The following CDK11A variants were observed in gnomAD, a reference collection of about 807,000 sequenced individuals.
CDK11A encodes the protein cyclin-dependent kinase 11A.
Under a neutral mutation model 83.6 loss-of-function variants are expected in CDK11A, and 55 were observed. The ratio of observed to expected loss-of-function variants is 0.66; its 90% CI spans 0.53 to 0.82. The LOEUF is 0.82. CDK11A is among the 40% of genes least tolerant of loss of function. CDK11A has a pLI of 0.00. For missense variants in CDK11A, 564 were observed against 810.1 expected, an observed-to-expected ratio of 0.70 and a Z score of 3.69; for synonymous variants, 247 against 302.7, an observed-to-expected ratio of 0.82 and a Z score of 1.91.
intron 6 of CDK11A, 24 bp downstream of exon 6, chr1:1,712,240 A>C (rs1409435474): frequency 6.5e-7 from 1 of 1,533,496 alleles, no homozygotes; most frequent in Non-Finnish European, 8.7e-7. Context: ...CCCGCCGAGC[A>C]CAGCTGCCCA....
rs752188532 is a variant in CDK11A, at chr1:1,716,450, C to T, written c.384G>A (p.Glu128=). Residue 128 remains glutamate, a synonymous_variant, in exon 5 of 20, where the codon GAG becomes GAA. Transcript: ENST00000404249. ...GGKHARVKER[E]HERRKRHREE... is the part of the protein sequence containing the mutation. ...CTCGATGTCGTTTCCGACGTTCGTG[C>T]TCTCTTTCTTTCACTCTAGCATGCT... The T allele has an allele frequency of 6.2e-7, 1 of 1,608,708 alleles. No homozygotes were observed. The highest frequency in any genetic ancestry group is 1.1e-5 in the South Asian group (1 of 90,742).
chr1:1,703,508 C>G lies in CDK11A; in HGVS notation c.2028G>C (p.Leu676=). The part of the protein sequence containing the change: ...YNNLRKRFGA[L]LSDQGFDLMN... The stretch of plus-strand genomic sequence containing the variant: ...TGAGGTCGAAGCCCTGGTCTGAGAG[C>G]AGAGCCCCGAAGCGCTTGCGGAGGT... The change falls in exon 18 of 20, where the codon CTG becomes CTC. Residue 676 remains leucine (L), a synonymous_variant. Coordinates refer to ENST00000404249, the MANE Select transcript of CDK11A (RefSeq NM_024011.4). 6.5e-7 allele frequency: 1 copy of G among 1,543,756 alleles called. No individual in the cohort carries two copies. Among genetic ancestry groups the G allele is most frequent in the East Asian group, 2.4e-5 (1 of 41,884 alleles).
rs72909024 is a variant in CDK11A, at chr1:1,717,429, T to A, written c.356-951A>T. Among the ~76,000 whole-genome samples the A allele has an allele frequency of 1.7e-4, 26 of 150,194 alleles. 2 individuals carry two copies. Among genetic ancestry groups the A allele is most frequent in the African/African-American group, 5.2e-4 (21 of 40,646 alleles). On this transcript the variant is annotated intron_variant, in intron 4 of 19. Transcript: ENST00000404249. ...GGTACGAGATCAAACTGCTCAAGCC[T>A]AACCCATTCTTTGGACTTGAGCAAA... is the stretch of plus-strand genomic sequence containing the variant.
chr1:1,712,916 T>C (rs1644528352), intron 5 of CDK11A, among the ~76,000 whole-genome samples: 1 of 44,154 alleles, frequency 2.3e-5, no homozygotes, highest in Non-Finnish European at 1.1e-4. Flanking sequence ...TTCACATGTA[T>C]CATTGCTGTA....
chr1:1,704,190 A>G, intron 15 of CDK11A, 33 bp downstream of exon 15: 1 of 1,607,854 alleles, frequency 6.2e-7, no homozygotes, highest in Non-Finnish European at 8.5e-7. Context: ...TGGGCGGGTC[A>G]CCCTGGGATG....
intron 9 of CDK11A, among the ~76,000 whole-genome samples, 173 bp from the exon 10 acceptor site, chr1:1,708,418 A>T (rs1295588883): frequency 2.0e-5 from 3 of 149,624 alleles, no homozygotes; most frequent in Admixed American, 6.7e-5. Context: ...AGGCGGGTGG[A>T]TCACCTGAGG....
chr1:1,720,084 A>T (rs1175699833), intron 3 of CDK11A, among the ~76,000 whole-genome samples: 10 of 150,340 alleles, frequency 6.7e-5, no homozygotes, highest in East Asian at 2.0e-4. Context: ...TATTTAATTT[A>T]ATTTTATTTA....
At chr1:1,705,175 G>A (rs1644265171) in intron 12 of CDK11A, 150 bp from the exon 13 acceptor site, 1 of 1,271,596 alleles carries the variant, frequency 7.9e-7, no homozygotes, top group South Asian at 1.5e-5. Context: ...GTGGGCACCA[G>A]GAGAACGCCC....
Position 1,719,323 on chromosome 1 carries a change from T to C in CDK11A, c.355+5A>G. ...TGATGTCAAAGAAAGTAAATGCTTC[T>C]GTACCCCCTTCTGCTGAATGGCTAT... On this transcript the variant is annotated splice_donor_5th_base_variant and intron_variant, in intron 4 of 19. Coordinates refer to ENST00000404249, the MANE Select transcript of CDK11A (RefSeq NM_024011.4). 6.6e-7 allele frequency: 1 copy of C among 1,508,518 alleles called. No individual in the cohort carries two copies. The highest frequency in any genetic ancestry group is 8.8e-7 in the Non-Finnish European group (1 of 1,133,014). 93.4% of individuals were successfully genotyped at this position (1,508,518 alleles called of 1,614,324 possible).
At position 1,721,077 on chromosome 1, in the gene CDK11A, G is replaced by A. The variant is rs548178555; in HGVS notation, c.227+519C>T. Reference sequence around the variant, plus strand: ...TTTTTAGTAGAGACGGGGTTTCACCGTGTTAGCCAGGAGGCTGAGGCAGGA... The same window carrying A: ...TTTTTAGTAGAGACGGGGTTTCACCATGTTAGCCAGGAGGCTGAGGCAGGA... On this transcript the variant is annotated intron_variant, in intron 3 of 19. Coordinates refer to ENST00000404249, the MANE Select transcript of CDK11A (RefSeq NM_024011.4). 7.8e-4 allele frequency among the ~76,000 whole-genome samples: 117 copies of A among 150,818 alleles called. 3 individuals carry two copies. The highest frequency in any genetic ancestry group is 6.5e-3 in the East Asian group (33 of 5,108).
chr1:1,706,274 T>C (rs1254903227), intron 11 of CDK11A, among the ~76,000 whole-genome samples: 2 of 150,782 alleles, frequency 1.3e-5, no homozygotes, highest in Non-Finnish European at 3.0e-5. Flanking sequence ...GATTTCACCA[T>C]ATTGGCCAGG....
chr1:1,703,798 C>T (rs777693382), intron 17 of CDK11A, 26 bp downstream of exon 17: 6 of 1,607,932 alleles, frequency 3.7e-6, no homozygotes, highest in South Asian at 1.1e-5. Flanking sequence ...AAATCCATAG[C>T]GCACCTGCGG....
Position 1,721,642 on chromosome 1 carries a change from T to A in CDK11A, c.181A>T (p.Thr61Ser). The A allele has an allele frequency of 6.2e-7, 1 of 1,605,594 alleles. No homozygotes were observed. Among genetic ancestry groups the A allele is most frequent in the Non-Finnish European group, 8.5e-7 (1 of 1,173,294 alleles). Residue 61 changes from threonine to serine, a missense_variant, in exon 3 of 20, where the codon ACA becomes TCA. By Grantham distance (58) the Thr-to-Ser change is moderately conservative. Transcript: ENST00000404249. The part of the protein sequence containing the change: ...GELRDHCMEI[T>S]IRNSPYRRED... Reference sequence around the variant, plus strand: ...CTTCTATACGGGGAGTTCCTTATTGTGATCTCCATGCAGTGATCTCTCAGC... The same window carrying A: ...CTTCTATACGGGGAGTTCCTTATTGAGATCTCCATGCAGTGATCTCTCAGC...
chr1:1,703,987 T>C, intron 16 of CDK11A, 47 bp from the exon 17 acceptor site: 3 of 1,606,234 alleles, frequency 1.9e-6, no homozygotes, highest in Non-Finnish European at 1.7e-6. Context: ...CCCGCGAAGC[T>C]GTGGGAGGCT....
intron 11 of CDK11A, 81 bp from the exon 12 acceptor site, chr1:1,705,813 C>G (rs1644285088): frequency 2.0e-6 from 1 of 505,154 alleles, no homozygotes; most frequent in East Asian, 3.2e-5. Flanking sequence ...GCACGGCACA[C>G]CCAGCACGGG....
chr1:1,717,745 C>T (rs77260658), intron 4 of CDK11A, among the ~76,000 whole-genome samples: 7 of 124,838 alleles, frequency 5.6e-5, no homozygotes, highest in Non-Finnish European at 1.1e-4. Flanking sequence ...CCCCTCTGAA[C>T]GGTCTGTGAC....
At position 1,704,213 on chromosome 1, in the gene CDK11A, G is replaced by A. The variant is rs776323284; in HGVS notation, c.1686+10C>T. ...TCACCCTGGGATGGGCCACTCGGAG[G>A]GGGGCTCACCTTGAGGATGCCGGCG... is the stretch of plus-strand genomic sequence containing the variant. On this transcript the variant is annotated intron_variant, in intron 15 of 19. Transcript: ENST00000404249. 114 of 1,608,258 alleles carry A rather than the reference G, an allele frequency of 7.1e-5. 4 individuals are homozygous for A. Among genetic ancestry groups the A allele is most frequent in the Non-Finnish European group, 9.1e-5 (107 of 1,176,740 alleles).
Position 1,716,479 on chromosome 1 carries a change from C to G in CDK11A, c.356-1G>C, listed in dbSNP as rs769960600. On this transcript the variant is annotated splice_acceptor_variant, in intron 4 of 19. Transcript: ENST00000404249. LOFTEE classifies it high-confidence loss of function. ...CTTTCTTTCACTCTAGCATGCTTCC[C>G]TAATGAGAAATAAAGTGTCATGCAA... The G allele has an allele frequency of 3.1e-6, 5 of 1,607,620 alleles. No homozygotes were observed. The highest frequency in any genetic ancestry group is 1.7e-5 in the Admixed American group (1 of 59,648).
chr1:1,718,171 G>T, intron 4 of CDK11A, among the ~76,000 whole-genome samples: 1 of 136,614 alleles, frequency 7.3e-6, no homozygotes, highest in African/African-American at 2.8e-5. Context: ...CTGGTTTTCG[G>T]TCTGTGACAC....
Sources: allele counts gnomAD v4.1 joint callset (sites outside exome capture counted in the v4.1 genomes callset), GRCh38; gene constraint gnomAD v4.1.1; transcripts MANE v1.5; gene names NCBI Gene and HGNC (gene_info 2026-07-23, HGNC 2026-07-21).